The following GSTCD variants were observed in gnomAD, a reference collection of about 807,000 sequenced individuals.
GSTCD encodes the protein glutathione S-transferase C-terminal domain-containing protein.
GSTCD carries 44 observed loss-of-function variants against 68.3 expected under a neutral mutation model. That is an observed-to-expected ratio of 0.64 (90% CI 0.51 to 0.83). The LOEUF (loss-of-function observed/expected upper bound fraction) is 0.83, where lower values mean the gene tolerates loss of function less well. Among genes scored for constraint, GSTCD ranks in the 40% least tolerant of loss-of-function variants. GSTCD has a pLI of 0.00. For missense variants in GSTCD, 739 were observed against 735.9 expected (o/e 1.00, Z -0.05); for synonymous variants, 273 against 255.2 (o/e 1.07, Z -0.67).
intron 5 of GSTCD, among the ~76,000 whole-genome samples, chr4:105,766,759 C>T (rs1299293472): frequency 1.3e-5 from 2 of 151,878 alleles, no homozygotes; most frequent in African/African-American, 2.4e-5. Flanking sequence ...TGACATTTTG[C>T]TGTTATAAAT....
chr4:105,814,132 C>A (rs1054302076), intron 5 of GSTCD, among the ~76,000 whole-genome samples: 1 of 152,136 alleles, frequency 6.6e-6, no homozygotes, highest in African/African-American at 2.4e-5. Context: ...ACCAGTATAC[C>A]TATTTCAGTA....
At chr4:105,810,230 C>T (rs1355517595) in intron 5 of GSTCD, among the ~76,000 whole-genome samples, 3 of 152,010 alleles carry the variant, frequency 2.0e-5, no homozygotes, top group Non-Finnish European at 4.4e-5. Context: ...TCACCAACAT[C>T]GCCCTGGTAT....
chr4:105,737,453 G>A lies in GSTCD; in HGVS notation c.1240+7954G>A, dbSNP rs1236926905. Among the ~76,000 whole-genome samples the A allele has an allele frequency of 4.6e-5, 7 of 152,138 alleles. No homozygotes were observed. In the East Asian group the frequency reaches 1.3e-3, roughly 29 times the overall value. ...TGGTTGTGTCTTCACTTTGTTGATT[G>A]TTTCCTTTGCTGTATAGGTTTTTAG... On this transcript the variant is annotated intron_variant, in intron 5 of 11. Coordinates refer to ENST00000515279, the MANE Select transcript of GSTCD (RefSeq NM_001370181.1).
intron 5 of GSTCD, among the ~76,000 whole-genome samples, chr4:105,742,984 C>T (rs1352418119): frequency 6.7e-6 from 1 of 148,672 alleles, no homozygotes; most frequent in African/African-American, 2.5e-5. Context: ...GAGTCTTGCT[C>T]TGTTGCCCAG....
intron 5 of GSTCD, among the ~76,000 whole-genome samples, chr4:105,790,933 A>C (rs1374627972): frequency 6.6e-6 from 1 of 152,060 alleles, no homozygotes; most frequent in African/African-American, 2.4e-5. Context: ...TAAAGCATGG[A>C]CAGCTAATAT....
intron 3 of GSTCD, 155 bp downstream of exon 3, chr4:105,719,682 A>G (rs1732801560): frequency 1.6e-6 from 1 of 613,272 alleles, no homozygotes; most frequent in African/African-American, 1.8e-5. Context: ...GGTGATAATA[A>G]TAGTACCTAT....
intron 5 of GSTCD, among the ~76,000 whole-genome samples, chr4:105,805,003 A>T (rs1722431077): frequency 1.3e-5 from 2 of 152,136 alleles, no homozygotes; most frequent in African/African-American, 4.8e-5. Context: ...ATAGTAAAAT[A>T]CTGATTTTAT....
At chr4:105,802,327 T>G (rs532337860) in intron 5 of GSTCD, among the ~76,000 whole-genome samples, 1 of 152,188 alleles carries the variant, frequency 6.6e-6, no homozygotes, top group African/African-American at 2.4e-5. Context: ...TACTGTAGAG[T>G]GATCTGAGGC....
intron 10 of GSTCD, among the ~76,000 whole-genome samples, chr4:105,839,611 A>T (rs1481625495): frequency 6.6e-6 from 1 of 152,102 alleles, no homozygotes; most frequent in Non-Finnish European, 1.5e-5. Flanking sequence ...TTCCCATTTC[A>T]GCCCGGGTGA....
In GSTCD at chr4:105,719,470, A is replaced by G. The variant is rs747684888; in HGVS notation, c.837A>G (p.Glu279=). ...DLPPLEHVFA[E]GLYFTLADIV... ...CACCTCTGGAGCATGTGTTTGCAGA[A>G]GGGCTTTACTTCACTCTGGCAGATA... is the stretch of plus-strand genomic sequence containing the variant. The change falls in exon 3 of 12, where the codon GAA becomes GAG. Residue 279 remains glutamate, a synonymous_variant. Transcript: ENST00000515279. 6.2e-7 allele frequency: 1 copy of G among 1,614,086 alleles called. No homozygotes were observed. The highest frequency in any genetic ancestry group is 1.7e-5 in the Admixed American group (1 of 59,982).
intron 5 of GSTCD, among the ~76,000 whole-genome samples, chr4:105,786,680 T>A (rs747538494): frequency 2.6e-5 from 4 of 152,096 alleles, no homozygotes; most frequent in Non-Finnish European, 4.4e-5. Context: ...ATGGGCAAAG[T>A]ATCTGAGTAG....
At chr4:105,724,203 A>G (rs1477837368) in intron 3 of GSTCD, among the ~76,000 whole-genome samples, 3 of 151,956 alleles carry the variant, frequency 2.0e-5, no homozygotes, top group African/African-American at 7.2e-5. Flanking sequence ...TTGAGACATC[A>G]TAATGGTTTC....
chr4:105,798,480 T>C (rs1353003268), intron 5 of GSTCD, among the ~76,000 whole-genome samples: 3 of 152,000 alleles, frequency 2.0e-5, no homozygotes, highest in Admixed American at 6.6e-5. Context: ...ATAGCAGCTA[T>C]AGTGTTATGA....
intron 5 of GSTCD, among the ~76,000 whole-genome samples, chr4:105,814,570 C>T (rs957404372): frequency 5.9e-5 from 9 of 151,914 alleles, no homozygotes; most frequent in Non-Finnish European, 8.8e-5. Flanking sequence ...TGAGATAGTG[C>T]CATTACACTC....
At chr4:105,731,348 T>A (rs1156339512) in intron 5 of GSTCD, among the ~76,000 whole-genome samples, 1 of 152,248 alleles carries the variant, frequency 6.6e-6, no homozygotes, top group African/African-American at 2.4e-5. Flanking sequence ...CAATATTGAT[T>A]CTTCCTATCC....
At chr4:105,775,186 G>A (rs1735006313) in intron 5 of GSTCD, among the ~76,000 whole-genome samples, 1 of 152,114 alleles carries the variant, frequency 6.6e-6, no homozygotes, top group Admixed American at 6.5e-5. Context: ...TTCTTGTGCT[G>A]TGTTTTTCAG....
rs775423701 is a variant in GSTCD, at chr4:105,834,455, T to C, written c.1531-6T>C. ...CTTAGTGCTAAGGCCTGGTTTTATT[T>C]TGTAGGTAGCATTGCATGCTTGTGG... On this transcript the variant is annotated splice_region_variant and splice_polypyrimidine_tract_variant and intron_variant, in intron 8 of 11. Transcript: ENST00000515279. 3 of 1,612,346 alleles carry C rather than the reference T, an allele frequency of 1.9e-6. No homozygotes were observed. The highest frequency in any genetic ancestry group is 1.7e-6 in the Non-Finnish European group (2 of 1,179,162).
At position 105,823,273 on chromosome 4, in the gene GSTCD, C is replaced by T; in HGVS notation, c.1399C>T (p.Gln467Ter). 1 of 1,613,076 alleles carries T rather than the reference C, an allele frequency of 6.2e-7. No individual in the cohort carries two copies. Among genetic ancestry groups the T allele is most frequent in the Non-Finnish European group, 8.5e-7 (1 of 1,179,138 alleles). The stretch of plus-strand genomic sequence containing the variant: ...CCTTGCTCACATGCTGCCATCATGT[C>T]AGGTAAAGCCAGAATAAGAGATAAA... ...IVLAHMLPSC[Q>*]VTLIENKELS... Residue 467 changes from glutamine (Q) to a stop codon, truncating the protein, a stop_gained and splice_region_variant, in exon 7 of 12, where the codon CAG (glutamine) becomes TAG (stop). Coordinates refer to ENST00000515279, the MANE Select transcript of GSTCD (RefSeq NM_001370181.1). LOFTEE classifies it high-confidence loss of function.
At chr4:105,764,690 C>G (rs1288163596) in intron 5 of GSTCD, among the ~76,000 whole-genome samples, 1 of 152,124 alleles carries the variant, frequency 6.6e-6, no homozygotes, top group East Asian at 1.9e-4. Context: ...CTCATGTAAC[C>G]CTAATTACCT....
Sources: gnomAD v4.1 joint callset for allele counts (sites outside exome capture counted in the v4.1 genomes callset) on GRCh38, gnomAD v4.1.1 for gene constraint, MANE v1.5 for transcripts, NCBI Gene and HGNC (gene_info 2026-07-23, HGNC 2026-07-21) for gene names.